ABCC9: variants seen among roughly 807,000 people sequenced by gnomAD.
The protein encoded by ABCC9 is ATP binding cassette subfamily C member 9.
In ABCC9, 95 loss-of-function variants were observed where a neutral mutation model predicts 188.3. The ratio of observed to expected loss-of-function variants is 0.50; its 90% CI spans 0.43 to 0.60. The LOEUF is 0.60. ABCC9 is among the 20% of genes least tolerant of loss of function. The pLI, the probability that ABCC9 is intolerant of heterozygous loss-of-function variation, is 0.00. For synonymous variants in ABCC9, 659 were observed against 652.7 expected (o/e 1.01, Z -0.15); for missense variants, 1,102 against 1,876.3 (o/e 0.59, Z 7.62).
chr12:21,844,244 T>G (rs1234566736), intron 28 of ABCC9, among the ~76,000 whole-genome samples: 1 of 152,200 alleles, frequency 6.6e-6, no homozygotes, highest in Non-Finnish European at 1.5e-5. Context: ...AATCATTCTT[T>G]ACTTCATGAT....
intron 11 of ABCC9, among the ~76,000 whole-genome samples, chr12:21,907,350 A>G (rs912543687): frequency 2.0e-5 from 3 of 152,084 alleles, no homozygotes; most frequent in Non-Finnish European, 2.9e-5. Flanking sequence ...CGCTTGTCAT[A>G]GTAGAAACAC....
At chr12:21,863,835 G>C (rs554604053) in intron 19 of ABCC9, among the ~76,000 whole-genome samples, 19 of 152,250 alleles carry the variant, frequency 1.2e-4, no homozygotes, top group African/African-American at 3.9e-4. Context: ...AGGGTTAAAA[G>C]AGAGCAAGGT....
At chr12:21,878,763 T>C (rs1946489282) in intron 16 of ABCC9, among the ~76,000 whole-genome samples, 1 of 138,402 alleles carries the variant, frequency 7.2e-6, no homozygotes, top group African/African-American at 2.5e-5. Context: ...CCTTCTGATT[T>C]GGTGCTACAT....
At chr12:21,895,713 A>T (rs1291315900) in intron 12 of ABCC9, among the ~76,000 whole-genome samples, 1 of 152,182 alleles carries the variant, frequency 6.6e-6, no homozygotes, top group Non-Finnish European at 1.5e-5. Flanking sequence ...TACACAGATT[A>T]AAAACAAGAA....
intron 36 of ABCC9, among the ~76,000 whole-genome samples, chr12:21,810,939 T>A (rs1463815546): frequency 1.3e-5 from 2 of 152,012 alleles, no homozygotes; most frequent in East Asian, 3.9e-4. Flanking sequence ...TAGATGGAGG[T>A]TAGGAGCAAA....
intron 30 of ABCC9, among the ~76,000 whole-genome samples, chr12:21,829,856 A>G (rs1351838632): frequency 1.3e-5 from 2 of 152,164 alleles, no homozygotes; most frequent in Non-Finnish European, 2.9e-5. Context: ...AAAACTATGC[A>G]TTTGCAATTG....
At chr12:21,842,579 A>AG (rs1944450107) in intron 28 of ABCC9, 108 bp from the exon 29 acceptor site, 3 of 1,094,966 alleles carry the variant, frequency 2.7e-6, no homozygotes, top group Admixed American at 1.7e-5. Context: ...TAACTACCAA[A>AG]GTAGTGTATA....
In ABCC9 at chr12:21,861,228, C is replaced by CT. The variant is rs376062271; in HGVS notation, c.2340-174_2340-173insA. ...AAAGATACATAAGTACTACTTCCCCCCCCTTTTTTTTTTTTTTTTGAAGAC... is the reference window on the plus strand; with the variant it reads ...AAAGATACATAAGTACTACTTCCCCCTCCCTTTTTTTTTTTTTTTTGAAGAC... On this transcript the variant is annotated intron_variant, in intron 20 of 39. Coordinates refer to ENST00000261200, the MANE Select transcript of ABCC9 (RefSeq NM_020297.4). Among the ~76,000 whole-genome samples, 19 of 146,014 alleles carry CT rather than the reference C, an allele frequency of 1.3e-4. 8 individuals are homozygous for CT. In the East Asian group the frequency reaches 1.4e-3, roughly 11 times the overall value.
chr12:21,914,141 CA>C (rs1948438072), intron 7 of ABCC9, among the ~76,000 whole-genome samples: 1 of 152,132 alleles, frequency 6.6e-6, no homozygotes, highest in African/African-American at 2.4e-5. Flanking sequence ...AGATTATTTT[CA>C]TCATTTACCA....
intron 4 of ABCC9, 112 bp downstream of exon 4, chr12:21,933,670 G>A: frequency 7.7e-7 from 1 of 1,293,798 alleles, no homozygotes; most frequent in Middle Eastern, 1.9e-4. Context: ...ATGGATCAGA[G>A]AGCAAAAAAT....
At chr12:21,905,979 G>C in intron 12 of ABCC9, 147 bp downstream of exon 12, 1 of 850,172 alleles carries the variant, frequency 1.2e-6, no homozygotes. Flanking sequence ...CGTGTGGCTG[G>C]TGGCTATTGG....
chr12:21,907,445 C>T (rs1292537632), intron 11 of ABCC9, among the ~76,000 whole-genome samples: 2 of 152,018 alleles, frequency 1.3e-5, no homozygotes, highest in African/African-American at 4.8e-5. Flanking sequence ...TTTAATCAAA[C>T]TTTATTTGTA....
At chr12:21,819,017 G>A (rs1283809932) in intron 31 of ABCC9, among the ~76,000 whole-genome samples, 1 of 152,080 alleles carries the variant, frequency 6.6e-6, no homozygotes, top group Admixed American at 6.6e-5. Flanking sequence ...TTTAAATAGT[G>A]TATGATTCAA....
At position 21,928,077 on chromosome 12, in the gene ABCC9, A is replaced by G. The variant is rs1171059153; in HGVS notation, c.285-2014T>C. Reference sequence around the variant, plus strand: ...TCTATTAAAAATACAAAAATTAGCCATGTGTGGTGCCACATGCCTGTGACC... The same window carrying G: ...TCTATTAAAAATACAAAAATTAGCCGTGTGTGGTGCCACATGCCTGTGACC... On this transcript the variant is annotated intron_variant, in intron 4 of 39. Coordinates refer to ENST00000261200, the MANE Select transcript of ABCC9 (RefSeq NM_020297.4). 1.3e-4 allele frequency among the ~76,000 whole-genome samples: 20 copies of G among 151,832 alleles called. No homozygotes were observed. In the East Asian group the frequency reaches 3.7e-3, roughly 28 times the overall value.
At chr12:21,913,172 T>C in intron 7 of ABCC9, 106 bp from the exon 8 acceptor site, 2 of 983,538 alleles carry the variant, frequency 2.0e-6, no homozygotes, top group Non-Finnish European at 3.0e-6. Context: ...TCAAAAATAC[T>C]TTAAGGGTTT....
intron 39 of ABCC9, among the ~76,000 whole-genome samples, chr12:21,802,849 A>G (rs1021814334): frequency 5.9e-5 from 9 of 152,182 alleles, no homozygotes; most frequent in South Asian, 2.1e-4. Flanking sequence ...GCCCTGGGCC[A>G]TGTAGATAGG....
At chr12:21,916,851 C>T (rs914296329) in intron 6 of ABCC9, 86 bp downstream of exon 6, 1 of 1,245,512 alleles carries the variant, frequency 8.0e-7, no homozygotes, top group Non-Finnish European at 1.1e-6. Flanking sequence ...TCATCCTTGT[C>T]AATACTAATG....
Position 21,887,822 on chromosome 12 carries a change from T to C in ABCC9, c.1911+4A>G. ...AACTTCCAAAACAAAAATAAAGCAC[T>C]TACAACTCCAGTGTGCTTCTTACAG... is the stretch of plus-strand genomic sequence containing the variant. On this transcript the variant is annotated splice_donor_region_variant and intron_variant, in intron 15 of 39. Coordinates refer to ENST00000261200, the MANE Select transcript of ABCC9 (RefSeq NM_020297.4). 6.2e-7 allele frequency: 1 copy of C among 1,601,180 alleles called. No homozygotes were observed. Among genetic ancestry groups the C allele is most frequent in the Non-Finnish European group, 8.6e-7 (1 of 1,168,430 alleles).
intron 21 of ABCC9, among the ~76,000 whole-genome samples, chr12:21,860,661 A>C (rs1945458737): frequency 6.6e-6 from 1 of 152,206 alleles, no homozygotes; most frequent in African/African-American, 2.4e-5. Flanking sequence ...TTAGTTTCAA[A>C]CCTATTACAG....
Sources: gnomAD v4.1 joint callset for allele counts (sites outside exome capture counted in the v4.1 genomes callset) on GRCh38, gnomAD v4.1.1 for gene constraint, MANE v1.5 for transcripts, NCBI Gene and HGNC (gene_info 2026-07-23, HGNC 2026-07-21) for gene names.